The following ZDHHC20 variants were observed in gnomAD, a reference collection of about 807,000 sequenced individuals.
The protein encoded by ZDHHC20 is zDHHC palmitoyltransferase 20, also known as palmitoyltransferase ZDHHC20.
In ZDHHC20, 43 loss-of-function variants were observed where a neutral mutation model predicts 57.8. That is an observed-to-expected ratio of 0.74 (90% CI 0.58 to 0.96). The LOEUF (loss-of-function observed/expected upper bound fraction) is 0.96. Among genes scored for constraint, ZDHHC20 ranks in the 40% least tolerant of loss-of-function variants. The pLI, the probability that ZDHHC20 is intolerant of heterozygous loss-of-function variation, is 0.00. For missense variants in ZDHHC20, 391 were observed against 441.1 expected (o/e 0.89, Z 1.02); for synonymous variants, 157 against 153.0 (o/e 1.03, Z -0.19).
chr13:21,426,607 C>CTTTT lies in ZDHHC20; in HGVS notation c.119-933_119-930dup, dbSNP rs778269073. ...GGTTTCTTCCTTTTTTTCTCCTTTT[C>CTTTT]TTTTTTTTTTTTTTTTGAGACAGGG... On this transcript the variant is annotated intron_variant, in intron 1 of 12. Transcript: ENST00000400590. Among the ~76,000 whole-genome samples, 563 of 135,358 alleles carry CTTTT rather than the reference C, an allele frequency of 4.2e-3. 6 individuals are homozygous for CTTTT. The highest frequency in any genetic ancestry group is 0.014 in the African/African-American group (495 of 36,476). The allele number at this position is 135,358 out of a possible 152,430, so 88.8% of individuals were successfully genotyped here. A position where few individuals can be genotyped will look rare whatever the true frequency, so the allele number is the denominator to read the frequency against.
chr13:21,443,600 C>T (rs1883393809), intron 1 of ZDHHC20, among the ~76,000 whole-genome samples: 1 of 152,132 alleles, frequency 6.6e-6, no homozygotes, highest in South Asian at 2.1e-4. Context: ...GTGGAAAGGT[C>T]TGAATTGAGG....
At chr13:21,418,770 G>T (rs1253063362) in intron 3 of ZDHHC20, among the ~76,000 whole-genome samples, 2 of 152,062 alleles carry the variant, frequency 1.3e-5, no homozygotes. Flanking sequence ...ACCTTCATGG[G>T]CTCAGTGATC....
At chr13:21,421,204 T>C in intron 2 of ZDHHC20, 40 bp from the exon 3 acceptor site, 2 of 1,530,034 alleles carry the variant, frequency 1.3e-6, no homozygotes, top group Non-Finnish European at 1.8e-6. Flanking sequence ...TGAATCCAGG[T>C]GAAAACAGCA....
chr13:21,434,858 T>C (rs377003805), intron 1 of ZDHHC20, among the ~76,000 whole-genome samples: 1 of 152,212 alleles, frequency 6.6e-6, no homozygotes, highest in African/African-American at 2.4e-5. Context: ...TTGATGGGCA[T>C]CTGTGTTGTC....
intron 2 of ZDHHC20, among the ~76,000 whole-genome samples, chr13:21,422,783 T>C (rs897522247): frequency 1.3e-5 from 2 of 152,202 alleles, no homozygotes; most frequent in African/African-American, 4.8e-5. Context: ...ATGTAAAATA[T>C]GTTGCTCATA....
intron 7 of ZDHHC20, among the ~76,000 whole-genome samples, chr13:21,393,451 G>T (rs9550732): frequency 0.23 from 33,288 of 145,278 alleles, 4,190 homozygotes; most frequent in East Asian, 0.7. Context: ...AGTGAGCCAA[G>T]ATCGCACTGC....
chr13:21,439,829 G>A (rs561735955), intron 1 of ZDHHC20, among the ~76,000 whole-genome samples: 51 of 152,214 alleles, frequency 3.4e-4, no homozygotes, highest in Middle Eastern at 3.4e-3. Flanking sequence ...CAATATGGGA[G>A]GCTGAGGCAG....
intron 1 of ZDHHC20, among the ~76,000 whole-genome samples, chr13:21,451,503 T>C (rs1324703166): frequency 6.6e-6 from 1 of 152,220 alleles, no homozygotes; most frequent in African/African-American, 2.4e-5. Context: ...TTTTAATTTA[T>C]ATTCTAATTC....
intron 10 of ZDHHC20, among the ~76,000 whole-genome samples, chr13:21,382,699 T>G (rs1164951197): frequency 6.6e-6 from 1 of 152,154 alleles, no homozygotes; most frequent in African/African-American, 2.4e-5. Context: ...ACAAGCATTC[T>G]CTTTCCTACT....
At chr13:21,445,807 T>C (rs919846574) in intron 1 of ZDHHC20, among the ~76,000 whole-genome samples, 6 of 152,102 alleles carry the variant, frequency 3.9e-5, no homozygotes, top group Admixed American at 3.9e-4. Flanking sequence ...CAAGTAATAA[T>C]AGGCGCTATG....
At chr13:21,437,181 A>G (rs1882640776) in intron 1 of ZDHHC20, among the ~76,000 whole-genome samples, 1 of 152,254 alleles carries the variant, frequency 6.6e-6, no homozygotes, top group Non-Finnish European at 1.5e-5. Context: ...AGAAAGCTGC[A>G]GGAAAAAAGT....
At chr13:21,377,359 C>G in intron 12 of ZDHHC20, among the ~76,000 whole-genome samples, 1 of 117,418 alleles carries the variant, frequency 8.5e-6, no homozygotes, top group Non-Finnish European at 1.8e-5. Flanking sequence ...TGCGATCTGA[C>G]TCTGCCCGAC....
At chr13:21,383,112 T>C in intron 9 of ZDHHC20, 103 bp from the exon 10 acceptor site, 4 of 1,073,912 alleles carry the variant, frequency 3.7e-6, no homozygotes, top group Non-Finnish European at 5.5e-6. Flanking sequence ...TTATCATAAC[T>C]TGTCATATAA....
chr13:21,415,043 T>C (rs1264430444), intron 3 of ZDHHC20, among the ~76,000 whole-genome samples: 3 of 152,184 alleles, frequency 2.0e-5, no homozygotes, highest in African/African-American at 2.4e-5. Context: ...TTTGGTCTAG[T>C]TGCTAACTCA....
At chr13:21,407,521 T>C (rs901251546) in intron 4 of ZDHHC20, among the ~76,000 whole-genome samples, 4 of 152,240 alleles carry the variant, frequency 2.6e-5, no homozygotes, top group Non-Finnish European at 4.4e-5. Context: ...TTCTGGAGAT[T>C]AGCCCTTTGT....
intron 1 of ZDHHC20, among the ~76,000 whole-genome samples, chr13:21,448,010 C>T (rs1338620996): frequency 6.5e-4 from 74 of 114,082 alleles, no homozygotes; most frequent in African/African-American, 1.9e-3. Flanking sequence ...TCTGCCCGGC[C>T]GCCCCGTCTG....
At chr13:21,441,140 T>A (rs1446183763) in intron 1 of ZDHHC20, among the ~76,000 whole-genome samples, 2 of 152,192 alleles carry the variant, frequency 1.3e-5, no homozygotes, top group African/African-American at 4.8e-5. Flanking sequence ...AACAAAAAAA[T>A]GTTTACTGGA....
At chr13:21,442,815 T>C (rs1044035650) in intron 1 of ZDHHC20, among the ~76,000 whole-genome samples, 31 of 152,220 alleles carry the variant, frequency 2.0e-4, no homozygotes, top group Admixed American at 1.9e-3. Flanking sequence ...TATTTATTTA[T>C]ATTTATGTCT....
rs1324061457 is a variant in ZDHHC20, at chr13:21,459,182, C to T, written c.-11G>A. 2 of 1,591,200 alleles carry T rather than the reference C, an allele frequency of 1.3e-6. No individual in the cohort carries two copies. The highest frequency in any genetic ancestry group is 1.7e-6 in the Non-Finnish European group (2 of 1,170,858). On this transcript the variant is annotated 5_prime_UTR_variant, in exon 1 of 13. Coordinates refer to ENST00000400590, the MANE Select transcript of ZDHHC20 (RefSeq NM_001330059.2). ...CGTCCAGGGCGCCATGTTCCGCTGG[C>T]GGCTGCCGAGCCCCGCGTCCCACCG...
Sources: gnomAD v4.1 joint callset for allele counts (sites outside exome capture counted in the v4.1 genomes callset) on GRCh38, gnomAD v4.1.1 for gene constraint, MANE v1.5 for transcripts, NCBI Gene and HGNC (gene_info 2026-07-23, HGNC 2026-07-21) for gene names.